INSC: variants seen among roughly 807,000 people sequenced by gnomAD.
The protein encoded by INSC is INSC spindle orientation adaptor protein.
In INSC, 67 loss-of-function variants were observed where a neutral mutation model predicts 58.6. That is an observed-to-expected ratio of 1.14 (90% CI 0.94 to 1.40). The LOEUF (loss-of-function observed/expected upper bound fraction) is 1.40. Ranked by LOEUF, INSC falls within the 40% of genes most tolerant of loss-of-function variation. INSC has a pLI of 0.00. For missense variants in INSC, 714 were observed against 692.0 expected (o/e 1.03, Z -0.36); for synonymous variants, 262 against 276.1 (o/e 0.95, Z 0.51).
chr11:15,190,863 G>A (rs1850142786), intron 6 of INSC, 49 bp downstream of exon 6: 5 of 1,276,498 alleles, frequency 3.9e-6, no homozygotes, highest in East Asian at 2.3e-5. Flanking sequence ...GGAAGTATGA[G>A]GAAGCTCACT....
chr11:15,224,903 G>T (rs968195650), intron 8 of INSC, among the ~76,000 whole-genome samples: 1 of 152,218 alleles, frequency 6.6e-6, no homozygotes, highest in African/African-American at 2.4e-5. Flanking sequence ...CTTTCTTGCT[G>T]CCAGATAACC....
In INSC at chr11:15,175,326, C is replaced by A. The variant is rs568920851; in HGVS notation, c.57-415C>A. On this transcript the variant is annotated intron_variant, in intron 2 of 12. Coordinates refer to ENST00000379556, the MANE Select transcript of INSC (RefSeq NM_001042536.3). ...TGCGTACTACATAATCATAGCTATA[C>A]CATAGCTCACTTAGTGTAACCATTA... Among the ~76,000 whole-genome samples the A allele has an allele frequency of 7.2e-5, 11 of 152,322 alleles. No homozygotes were observed. In the East Asian group the frequency reaches 1.7e-3, roughly 24 times the overall value.
chr11:15,122,710 C>T (rs1312502947), intron 1 of INSC, among the ~76,000 whole-genome samples: 1 of 152,160 alleles, frequency 6.6e-6, no homozygotes, highest in Non-Finnish European at 1.5e-5. Flanking sequence ...AAATCTTTCA[C>T]TTCTTTCCAT....
intron 12 of INSC, among the ~76,000 whole-genome samples, chr11:15,244,166 G>T (rs943023530): frequency 6.6e-6 from 1 of 152,020 alleles, no homozygotes; most frequent in Admixed American, 6.5e-5. Flanking sequence ...AAAATCCCTG[G>T]TTCTGTTTTC....
intron 2 of INSC, among the ~76,000 whole-genome samples, chr11:15,172,448 C>T (rs1849432182): frequency 1.3e-5 from 2 of 152,200 alleles, no homozygotes; most frequent in Admixed American, 1.3e-4. Context: ...ATGTCAGACA[C>T]TGGCAATAAG....
chr11:15,220,280 T>A (rs1851387580), intron 7 of INSC, among the ~76,000 whole-genome samples: 1 of 152,132 alleles, frequency 6.6e-6, no homozygotes, highest in Admixed American at 6.5e-5. Flanking sequence ...CCTCTCCTGT[T>A]CTTCCCCTGC....
chr11:15,220,114 C>T (rs1158684011), intron 7 of INSC, among the ~76,000 whole-genome samples: 2 of 152,218 alleles, frequency 1.3e-5, no homozygotes, highest in African/African-American at 4.8e-5. Flanking sequence ...TCCCAAGAGC[C>T]ATTTAAGGGA....
At chr11:15,254,315 T>C in the INSC span, among the ~76,000 whole-genome samples, 2 of 152,174 alleles carry the variant, frequency 1.3e-5, no homozygotes, top group South Asian at 2.1e-4. Context: ...TGTAGAGCCA[T>C]TGTCCTCCAG....
Position 15,190,682 on chromosome 11 carries a change from C to A in INSC, c.580-19C>A. The A allele has an allele frequency of 1.3e-6, 2 of 1,574,596 alleles. No homozygotes were observed. The highest frequency in any genetic ancestry group is 1.7e-6 in the Non-Finnish European group (2 of 1,144,008). ...GAGGTGGTGAGTAACTACTAGCTAA[C>A]TTTTCTCTCTCTTCTTAGGCACTGG... is the stretch of plus-strand genomic sequence containing the variant. On this transcript the variant is annotated intron_variant, in intron 5 of 12. Transcript: ENST00000379556.
At chr11:15,188,935 AG>A (rs1442754012) in intron 5 of INSC, among the ~76,000 whole-genome samples, 1 of 152,204 alleles carries the variant, frequency 6.6e-6, no homozygotes, top group African/African-American at 2.4e-5. Flanking sequence ...TGATCTTTAT[AG>A]GGATTTGTAG....
chr11:15,201,023 C>A, intron 7 of INSC, 74 bp downstream of exon 7: 4 of 1,509,884 alleles, frequency 2.6e-6, no homozygotes, highest in Non-Finnish European at 3.6e-6. Context: ...TCATGATGGC[C>A]ATCTGTTCCT....
chr11:15,199,222 A>T (rs112592392), intron 6 of INSC, among the ~76,000 whole-genome samples: 62 of 152,360 alleles, frequency 4.1e-4, no homozygotes, highest in African/African-American at 1.4e-3. Context: ...GAATGAATGT[A>T]CTAGCCCTAA....
chr11:15,171,590 C>A (rs1386130064), intron 2 of INSC, among the ~76,000 whole-genome samples: 2 of 152,170 alleles, frequency 1.3e-5, no homozygotes, highest in Admixed American at 6.5e-5. Flanking sequence ...CCTCCAGGCA[C>A]CTGCCCCTGA....
intron 2 of INSC, among the ~76,000 whole-genome samples, chr11:15,149,897 A>G (rs1848596492): frequency 6.6e-6 from 1 of 152,196 alleles, no homozygotes; most frequent in African/African-American, 2.4e-5. Flanking sequence ...ATTAAATTAC[A>G]TGAAAACGAT....
chr11:15,213,413 G>C (rs1313737194), intron 7 of INSC, among the ~76,000 whole-genome samples: 4 of 152,182 alleles, frequency 2.6e-5, no homozygotes, highest in Non-Finnish European at 5.9e-5. Context: ...GAGGACCACT[G>C]ATCTAGAAGC....
At chr11:15,115,237 G>T (rs1482872997) in intron 1 of INSC, among the ~76,000 whole-genome samples, 1 of 152,212 alleles carries the variant, frequency 6.6e-6, no homozygotes, top group Non-Finnish European at 1.5e-5. Context: ...GAGTGTGTCA[G>T]AGTGTGTGGT....
chr11:15,166,636 T>C (rs550886850), intron 2 of INSC, among the ~76,000 whole-genome samples: 1 of 152,200 alleles, frequency 6.6e-6, no homozygotes, highest in Admixed American at 6.5e-5. Flanking sequence ...AAATATTTTT[T>C]TCAAATAATC....
intron 2 of INSC, among the ~76,000 whole-genome samples, chr11:15,158,652 A>AATGGCTCCATTATTT (rs1253401535): frequency 2.0e-5 from 3 of 152,006 alleles, no homozygotes; most frequent in African/African-American, 7.3e-5. Flanking sequence ...GGGTTTGAGT[A>AATGGCTCCATTATTT]ATGGCTCCAT....
chr11:15,168,613 C>T (rs1388846496), intron 2 of INSC, among the ~76,000 whole-genome samples: 1 of 152,192 alleles, frequency 6.6e-6, no homozygotes, highest in Non-Finnish European at 1.5e-5. Flanking sequence ...AGGCCCTACA[C>T]ATTCATCACT....
Sources: allele counts gnomAD v4.1 joint callset (sites outside exome capture counted in the v4.1 genomes callset), GRCh38; gene constraint gnomAD v4.1.1; transcripts MANE v1.5; gene names NCBI Gene and HGNC (gene_info 2026-07-23, HGNC 2026-07-21).